Variants in CHIC2 observed in about 807,000 individuals in gnomAD.
CHIC2 encodes cysteine rich hydrophobic domain 2.
Under a neutral mutation model 25.9 loss-of-function variants are expected in CHIC2, and 14 were observed. That is an observed-to-expected ratio of 0.54 (90% CI 0.36 to 0.85). The LOEUF (loss-of-function observed/expected upper bound fraction) is 0.85. Among genes scored for constraint, CHIC2 ranks in the 40% least tolerant of loss-of-function variants. The pLI is 0.01. For missense variants in CHIC2, 146 were observed against 202.0 expected (o/e 0.72, Z 1.68); for synonymous variants, 70 against 72.0 (o/e 0.97, Z 0.14).
At chr4:54,052,764 A>G (rs552463244) in intron 1 of CHIC2, among the ~76,000 whole-genome samples, 3 of 152,354 alleles carry the variant, frequency 2.0e-5, no homozygotes, top group Non-Finnish European at 4.4e-5. Flanking sequence ...ACACACTGTC[A>G]ATGGAACTAT....
chr4:54,036,178 TAG>T (rs1316396717), intron 3 of CHIC2, among the ~76,000 whole-genome samples: 9 of 152,344 alleles, frequency 5.9e-5, no homozygotes, highest in African/African-American at 2.2e-4. Flanking sequence ...TATTGTTGGT[TAG>T]AGTGTTTTAT....
At chr4:54,081,284 C>T in the CHIC2 span, among the ~76,000 whole-genome samples, 1 of 151,788 alleles carries the variant, frequency 6.6e-6, no homozygotes, top group Non-Finnish European at 1.5e-5. Context: ...ACCACTGTGC[C>T]TGGCTTCAAA....
At chr4:54,043,527 C>G (rs1182856907) in intron 3 of CHIC2, among the ~76,000 whole-genome samples, 1 of 151,728 alleles carries the variant, frequency 6.6e-6, no homozygotes, top group Non-Finnish European at 1.5e-5. Flanking sequence ...GAATTTTCAA[C>G]CCACAATTTC....
At position 54,049,119 on chromosome 4, in the gene CHIC2, A is replaced by G; in HGVS notation, c.175-9T>C. The G allele has an allele frequency of 6.3e-7, 1 of 1,592,396 alleles. No homozygotes were observed. Among genetic ancestry groups the G allele is most frequent in the Non-Finnish European group, 8.5e-7 (1 of 1,170,352 alleles). On this transcript the variant is annotated splice_polypyrimidine_tract_variant and intron_variant, in intron 2 of 5. Coordinates refer to ENST00000263921, the MANE Select transcript of CHIC2 (RefSeq NM_012110.4). ...AATTCTTCAGGAGCTACCTAAAGAA[A>G]AATTTTAAGAAATAATAACAATGCA...
the CHIC2 span, among the ~76,000 whole-genome samples, chr4:54,072,905 T>C: frequency 6.6e-6 from 1 of 152,142 alleles, no homozygotes; most frequent in Non-Finnish European, 1.5e-5. Flanking sequence ...ACCCCGTGTC[T>C]ACTAAAACTA....
intron 5 of CHIC2, among the ~76,000 whole-genome samples, chr4:54,012,570 G>A (rs534600363): frequency 6.6e-6 from 1 of 152,114 alleles, no homozygotes; most frequent in African/African-American, 2.4e-5. Flanking sequence ...TATAAATGTA[G>A]TAAATATTTT....
At chr4:54,061,410 T>C (rs912667292) in intron 1 of CHIC2, among the ~76,000 whole-genome samples, 7 of 152,122 alleles carry the variant, frequency 4.6e-5, no homozygotes, top group African/African-American at 1.7e-4. Context: ...GTGAAAAACA[T>C]ATGGATTGAT....
the CHIC2 span, among the ~76,000 whole-genome samples, chr4:54,079,940 T>G: frequency 6.6e-6 from 1 of 151,810 alleles, no homozygotes; most frequent in Non-Finnish European, 1.5e-5. Flanking sequence ...AGTACGGCAG[T>G]TCCTCAAAAA....
chr4:54,086,962 C>A, the CHIC2 span: 1 of 738,210 alleles, frequency 1.4e-6, no homozygotes, highest in South Asian at 1.4e-5. Context: ...ATCTCATGGA[C>A]AACAATCTGC....
chr4:54,064,335 G>C lies in CHIC2; in HGVS notation c.-35C>G. On this transcript the variant is annotated 5_prime_UTR_variant, in exon 1 of 6. Transcript: ENST00000263921. This position sits in a 1 kb window ranked among gnomAD's most constrained non-coding sequence, Gnocchi z 4.2. ...CCGAGCTCCCCTGCCCAAAGGGCCT[G>C]ACTCCCGGGGTTGGCGCCGGGGTAC... 6.2e-7 allele frequency: 1 copy of C among 1,611,582 alleles called. No individual in the cohort carries two copies. The highest frequency in any genetic ancestry group is 8.5e-7 in the Non-Finnish European group (1 of 1,178,772).
chr4:54,042,733 G>A (rs1427857761), intron 3 of CHIC2, among the ~76,000 whole-genome samples: 1 of 151,896 alleles, frequency 6.6e-6, no homozygotes, highest in Non-Finnish European at 1.5e-5. Context: ...ATGTTCTGTA[G>A]TGCAAAGGTA....
chr4:54,044,843 A>T (rs1341463497), intron 3 of CHIC2, among the ~76,000 whole-genome samples: 3 of 152,076 alleles, frequency 2.0e-5, no homozygotes, highest in African/African-American at 7.2e-5. Context: ...CCTTCAAAAA[A>T]ATCAATGAAT....
At chr4:54,020,500 C>T (rs373572872) in intron 3 of CHIC2, among the ~76,000 whole-genome samples, 79 of 152,294 alleles carry the variant, frequency 5.2e-4, no homozygotes, top group African/African-American at 1.8e-3. Context: ...TTCACACTGA[C>T]GCGTGAGACA....
Position 54,061,516 on chromosome 4 carries a change from T to C in CHIC2, c.119+2666A>G, listed in dbSNP as rs187543801. ...AGGGAAGACTGCTCTGATCAGCACC[T>C]AATAAAAAAAAAAGGTGGAGGAGGG... is the stretch of plus-strand genomic sequence containing the variant. On this transcript the variant is annotated intron_variant, in intron 1 of 5. Transcript: ENST00000263921. Among the ~76,000 whole-genome samples, 143 of 151,598 alleles carry C rather than the reference T, an allele frequency of 9.4e-4. 1 individual carries two copies. Among genetic ancestry groups the C allele is most frequent in the Admixed American group, 5.4e-3 (83 of 15,252 alleles).
intron 1 of CHIC2, among the ~76,000 whole-genome samples, chr4:54,051,283 C>T (rs539003967): frequency 2.6e-5 from 4 of 152,074 alleles, no homozygotes; most frequent in Non-Finnish European, 5.9e-5. Context: ...TCTACAGTGT[C>T]CCTTGCCAAC....
At chr4:54,091,125 G>T in the CHIC2 span, among the ~76,000 whole-genome samples, 1 of 152,086 alleles carries the variant, frequency 6.6e-6, no homozygotes. Context: ...TGAAAGGGAG[G>T]ACCTCGAGGC....
chr4:54,075,980 AAACTT>A, the CHIC2 span, among the ~76,000 whole-genome samples: 5 of 152,178 alleles, frequency 3.3e-5, no homozygotes, highest in South Asian at 2.1e-4. Flanking sequence ...ACTTCAGAGA[AAACTT>A]AAGTTAAATG....
Position 54,064,433 on chromosome 4 carries a change from G to A in CHIC2, c.-133C>T, listed in dbSNP as rs537026801. ...CTCCGAGGCCGCGGAGTTCGCTGTC[G>A]GCTGTCTCGGCTCCGGCTACAGAGG... On this transcript the variant is annotated 5_prime_UTR_variant, in exon 1 of 6. Coordinates refer to ENST00000263921, the MANE Select transcript of CHIC2 (RefSeq NM_012110.4). The surrounding 1 kb of genome is among the most constrained non-coding windows in gnomAD (Gnocchi z 4.2). The A allele has an allele frequency of 6.6e-6, 10 of 1,511,472 alleles. No homozygotes were observed. Among genetic ancestry groups the A allele is most frequent in the Non-Finnish European group, 8.8e-6 (10 of 1,134,246 alleles). The allele number at this position is 1,511,472 out of a possible 1,614,324, so 93.6% of individuals were successfully genotyped here. A position where few individuals can be genotyped will look rare whatever the true frequency, so the allele number is the denominator to read the frequency against.
intron 3 of CHIC2, among the ~76,000 whole-genome samples, chr4:54,046,363 A>G (rs1297546352): frequency 6.6e-6 from 1 of 152,180 alleles, no homozygotes; most frequent in Non-Finnish European, 1.5e-5. Context: ...AGCCAAAAGA[A>G]CAAAGCTGGA....
Sources: allele counts gnomAD v4.1 joint callset (sites outside exome capture counted in the v4.1 genomes callset), GRCh38; gene constraint gnomAD v4.1.1; non-coding constraint Gnocchi (gnomAD v3.1); transcripts MANE v1.5; gene names NCBI Gene and HGNC (gene_info 2026-07-23, HGNC 2026-07-21).